The following EBF1 variants were observed in gnomAD, a reference collection of about 807,000 sequenced individuals.
EBF1 encodes the protein EBF transcription factor 1, also known as transcription factor COE1.
In EBF1, 10 loss-of-function variants were observed where a neutral mutation model predicts 68.4. That is an observed-to-expected ratio of 0.15 (90% CI 0.09 to 0.25). The LOEUF (loss-of-function observed/expected upper bound fraction) is 0.25. Among genes scored for constraint, EBF1 ranks in the 10% least tolerant of loss-of-function variants. The probability of loss-of-function intolerance (pLI) is 1.00; values close to 1 mark genes in which losing one functional copy is unlikely to be tolerated. For missense variants in EBF1, 509 were observed against 794.4 expected, an observed-to-expected ratio of 0.64 and a Z score of 4.32; for synonymous variants, 298 against 299.8, an observed-to-expected ratio of 0.99 and a Z score of 0.06.
At chr5:158,814,522 A>G (rs191995456) in intron 8 of EBF1, among the ~76,000 whole-genome samples, 1 of 152,312 alleles carries the variant, frequency 6.6e-6, no homozygotes, top group Admixed American at 6.5e-5. Flanking sequence ...AAATACTGGA[A>G]ATTTCCCACA....
intron 8 of EBF1, among the ~76,000 whole-genome samples, chr5:158,815,265 G>A (rs1348141794): frequency 1.3e-5 from 2 of 152,068 alleles, no homozygotes; most frequent in Non-Finnish European, 2.9e-5. Flanking sequence ...TAGGGCTCAG[G>A]GAATGTTTAT....
At chr5:158,714,308 G>C (rs1178908079) in intron 11 of EBF1, 126 bp from the exon 12 acceptor site, 2 of 1,023,548 alleles carry the variant, frequency 2.0e-6, no homozygotes, top group African/African-American at 3.1e-5. Context: ...CCGTAGCTTG[G>C]GGAACCCCAG....
chr5:158,883,584 A>C (rs1319068792), intron 6 of EBF1, among the ~76,000 whole-genome samples: 1 of 152,152 alleles, frequency 6.6e-6, no homozygotes, highest in Admixed American at 6.5e-5. Context: ...GCCTTGAATC[A>C]GCACCAGGAA....
At chr5:158,709,948 G>T (rs2127480662) in intron 14 of EBF1, among the ~76,000 whole-genome samples, 1 of 152,146 alleles carries the variant, frequency 6.6e-6, no homozygotes, top group East Asian at 1.9e-4. Context: ...TTGGGGTGGG[G>T]GGCCAGTTAA....
intron 6 of EBF1, among the ~76,000 whole-genome samples, chr5:159,014,365 G>A (rs1011913191): frequency 2.0e-5 from 3 of 152,176 alleles, no homozygotes; most frequent in Non-Finnish European, 4.4e-5. Flanking sequence ...GCTTTGCCAT[G>A]TTTTAATTAA....
chr5:158,960,240 T>C (rs1316609756), intron 6 of EBF1, among the ~76,000 whole-genome samples: 2 of 152,220 alleles, frequency 1.3e-5, no homozygotes, highest in African/African-American at 4.8e-5. Flanking sequence ...AAATGAGGCA[T>C]TCTAAATCAT....
At chr5:159,031,545 A>G (rs917763871) in intron 6 of EBF1, among the ~76,000 whole-genome samples, 1 of 152,218 alleles carries the variant, frequency 6.6e-6, no homozygotes, top group African/African-American at 2.4e-5. Context: ...TTTGACTTCA[A>G]CTGGGGAAGT....
intron 6 of EBF1, among the ~76,000 whole-genome samples, chr5:158,921,304 A>G (rs1309198202): frequency 1.3e-5 from 2 of 152,220 alleles, no homozygotes; most frequent in East Asian, 3.8e-4. Flanking sequence ...CTTATTCTGA[A>G]TTCAAATCTT....
At chr5:158,883,227 T>C (rs557429173) in intron 6 of EBF1, among the ~76,000 whole-genome samples, 44 of 152,282 alleles carry the variant, frequency 2.9e-4, no homozygotes, top group African/African-American at 1.0e-3. Context: ...TTTGTGTATA[T>C]ACACACATAA....
chr5:158,830,323 C>T (rs1439516555), intron 7 of EBF1, among the ~76,000 whole-genome samples: 2 of 152,060 alleles, frequency 1.3e-5, no homozygotes, highest in African/African-American at 2.4e-5. Flanking sequence ...CCAGGCCGGA[C>T]TGCAGGGCGT....
chr5:158,710,324 G>A (rs1758911652), intron 14 of EBF1, among the ~76,000 whole-genome samples: 1 of 152,206 alleles, frequency 6.6e-6, no homozygotes, highest in South Asian at 2.1e-4. Flanking sequence ...TGTCTGCACA[G>A]GCTTGGGGAG....
At chr5:158,955,197 C>T (rs1408579603) in intron 6 of EBF1, among the ~76,000 whole-genome samples, 2 of 152,038 alleles carry the variant, frequency 1.3e-5, no homozygotes, top group Non-Finnish European at 2.9e-5. Flanking sequence ...GTGGCGGGCA[C>T]CTGTAATCCC....
intron 6 of EBF1, among the ~76,000 whole-genome samples, chr5:159,032,924 T>A (rs1452935859): frequency 6.6e-6 from 1 of 152,118 alleles, no homozygotes; most frequent in East Asian, 1.9e-4. Context: ...AAAGCAAGAC[T>A]TAAAACCTTG....
intron 5 of EBF1, 169 bp from the exon 6 acceptor site, chr5:159,073,633 G>T: frequency 1.5e-6 from 1 of 672,810 alleles, no homozygotes; most frequent in Non-Finnish European, 2.6e-6. Flanking sequence ...GTCACCTATG[G>T]GTTAATGGCC....
At chr5:158,797,882 G>T (rs1779861833) in intron 8 of EBF1, among the ~76,000 whole-genome samples, 1 of 152,118 alleles carries the variant, frequency 6.6e-6, no homozygotes, top group South Asian at 2.1e-4. Flanking sequence ...AATTAATCAA[G>T]AAGATGTAAA....
At chr5:158,926,496 T>C (rs540108588) in intron 6 of EBF1, among the ~76,000 whole-genome samples, 1 of 151,892 alleles carries the variant, frequency 6.6e-6, no homozygotes, top group Admixed American at 6.6e-5. Flanking sequence ...GAGGCCAAAG[T>C]GGGTGGATCA....
At chr5:159,017,890 A>T (rs1326021799) in intron 6 of EBF1, among the ~76,000 whole-genome samples, 1 of 152,222 alleles carries the variant, frequency 6.6e-6, no homozygotes, top group Admixed American at 6.5e-5. Context: ...GTCTCTAAAA[A>T]TACTAGTGCC....
chr5:158,810,941 C>T (rs541609077), intron 8 of EBF1, among the ~76,000 whole-genome samples: 15 of 152,326 alleles, frequency 9.8e-5, no homozygotes, highest in African/African-American at 3.1e-4. Context: ...GACTTGCCCA[C>T]GGCAGGCCGG....
At chr5:158,796,552 AG>A in intron 8 of EBF1, 77 bp from the exon 9 acceptor site, 1 of 1,473,492 alleles carries the variant, frequency 6.8e-7, no homozygotes, top group African/African-American at 1.4e-5. Context: ...CTTGAGAAAA[AG>A]GAAAAAAAAA....
Sources: allele counts gnomAD v4.1 joint callset (sites outside exome capture counted in the v4.1 genomes callset), GRCh38; gene constraint gnomAD v4.1.1; transcripts MANE v1.5; gene names NCBI Gene and HGNC (gene_info 2026-07-23, HGNC 2026-07-21).